The following NUP50 variants were observed in gnomAD, a reference collection of about 807,000 sequenced individuals.
NUP50 encodes nuclear pore complex protein Nup50.
In NUP50, 14 loss-of-function variants were observed where a neutral mutation model predicts 36.8. The observed-to-expected ratio is 0.38, with a 90% confidence interval of 0.25 to 0.59. The LOEUF (loss-of-function observed/expected upper bound fraction) is 0.59, where lower values mean the gene tolerates loss of function less well. Ranked by LOEUF, NUP50 falls within the 20% of genes least tolerant of loss-of-function variation. The probability of loss-of-function intolerance (pLI) is 0.63; values close to 1 mark genes in which losing one functional copy is unlikely to be tolerated. For missense variants in NUP50, 455 were observed against 564.6 expected (o/e 0.81, Z 1.97); for synonymous variants, 195 against 210.8 (o/e 0.93, Z 0.65).
At chr22:45,168,957 G>A (rs887168717) in intron 2 of NUP50, among the ~76,000 whole-genome samples, 16 of 145,846 alleles carry the variant, frequency 1.1e-4, no homozygotes, top group African/African-American at 2.8e-4. Context: ...GCTGGAGTGC[G>A]GTGGCACAAC....
chr22:45,184,325 C>T lies in NUP50; in HGVS notation c.1205-128C>T, dbSNP rs931956602. On this transcript the variant is annotated intron_variant, in intron 7 of 7. Coordinates refer to ENST00000347635, the MANE Select transcript of NUP50 (RefSeq NM_007172.4). ...TCAGGGAACCAGTCCTGATTTTGTG[C>T]TGTCCTGTTGGCTCCCTGTCTTAGA... 4.8e-6 allele frequency: 4 copies of T among 833,642 alleles called. No homozygotes were observed. In the African/African-American group the frequency reaches 5.2e-5, roughly 11 times the overall value. The allele number at this position is 833,642 out of a possible 1,614,324, so 51.6% of individuals were successfully genotyped here. A position where few individuals can be genotyped will look rare whatever the true frequency, so the allele number is the denominator to read the frequency against.
At position 45,178,691 on chromosome 22, in the gene NUP50, G is replaced by T; in HGVS notation, c.794G>T (p.Gly265Val). ...SEKKTDPSSLGATSASFNFGK... is the reference protein window; with the variant it reads ...SEKKTDPSSLVATSASFNFGK... ...AAGAAAACGGACCCATCATCACTAG[G>T]AGCGACAAGTGCCTCATTTAATTTC... Residue 265 changes from glycine to valine, a missense_variant, in exon 5 of 8, where the codon GGA (glycine) becomes GTA (valine). Coordinates refer to ENST00000347635, the MANE Select transcript of NUP50 (RefSeq NM_007172.4). 6.2e-7 allele frequency: 1 copy of T among 1,612,252 alleles called. No homozygotes were observed. Among genetic ancestry groups the T allele is most frequent in the Non-Finnish European group, 8.5e-7 (1 of 1,179,854 alleles).
chr22:45,166,282 T>C (rs1026540264), intron 1 of NUP50: 7 of 113,084 alleles, frequency 6.2e-5, no homozygotes, highest in African/African-American at 2.0e-4. Context: ...TTTTTCTTTT[T>C]CTTTTTTTTT....
chr22:45,178,323 C>A lies in NUP50; in HGVS notation c.426C>A (p.Ser142=). The A allele has an allele frequency of 6.2e-7, 1 of 1,614,030 alleles. No homozygotes were observed. The highest frequency in any genetic ancestry group is 1.1e-5 in the South Asian group (1 of 91,084). The stretch of plus-strand genomic sequence containing the variant: ...ATGGGGACAGTCAGCAGCCCTCCTC[C>A]TCTGGCCTTGCTTCCAGTAAAGCTT... ...KTNGDSQQPS[S]SGLASSKACV... is the part of the protein sequence containing the mutation. The change falls in exon 5 of 8, where the codon TCC becomes TCA. Residue 142 remains serine (S), a synonymous_variant. Coordinates refer to ENST00000347635, the MANE Select transcript of NUP50 (RefSeq NM_007172.4).
At chr22:45,166,916 C>A (rs2074103703) in intron 1 of NUP50, among the ~76,000 whole-genome samples, 1 of 151,994 alleles carries the variant, frequency 6.6e-6, no homozygotes, top group Non-Finnish European at 1.5e-5. Context: ...CATAAACTTA[C>A]AAAATTTAAA....
intron 7 of NUP50, chr22:45,183,928 G>A (rs777575977): frequency 1.9e-5 from 4 of 214,954 alleles, no homozygotes; most frequent in South Asian, 7.0e-5. Flanking sequence ...GGAAGACGGG[G>A]CAGGCCTGCG....
In NUP50 at chr22:45,187,942, A is replaced by C. The variant is rs1451182880; in HGVS notation, c.*3287A>C. The C allele has an allele frequency of 6.5e-6, 1 of 152,712 alleles. No homozygotes were observed. The highest frequency in any genetic ancestry group is 1.5e-5 in the Non-Finnish European group (1 of 68,052). 9.5% of individuals were successfully genotyped at this position (152,712 alleles called of 1,614,324 possible). On this transcript the variant is annotated 3_prime_UTR_variant, in exon 8 of 8. Transcript: ENST00000347635. ...AGACAATATAATCTCAGCTTGTATT[A>C]GTTTTTGAATGCTCCCATCGAGGAA... is the stretch of plus-strand genomic sequence containing the variant.
intron 5 of NUP50, among the ~76,000 whole-genome samples, 171 bp from the exon 6 acceptor site, chr22:45,181,115 G>T (rs1260998503): frequency 4.1e-5 from 6 of 144,802 alleles, no homozygotes; most frequent in Middle Eastern, 3.6e-3. Context: ...TTAAAATCCT[G>T]CAGGTACTCC....
chr22:45,180,107 T>C (rs2074343124), intron 5 of NUP50: 1 of 151,220 alleles, frequency 6.6e-6, no homozygotes, highest in Admixed American at 6.6e-5. Context: ...CTCCCATAAA[T>C]AAAACAAATG....
At chr22:45,168,948 CTGGAGTGCGGTGGCA>C (rs2074140568) in intron 2 of NUP50, among the ~76,000 whole-genome samples, 1 of 138,546 alleles carries the variant, frequency 7.2e-6, no homozygotes, top group Non-Finnish European at 1.5e-5. Flanking sequence ...GTTGCCCAGG[CTGGAGTGCGGTGGCA>C]CAACCTCGGC....
rs549363370 is a variant in NUP50, at chr22:45,171,487, T to C, written c.70-113T>C. ...GCAAGCCATTGTGCCTGGCCAAAAT[T>C]TATTTTTGAGAGGCCGGACACAGTG... On this transcript the variant is annotated intron_variant, in intron 2 of 7. Transcript: ENST00000347635. 13 of 1,059,560 alleles carry C rather than the reference T, an allele frequency of 1.2e-5. No individual in the cohort carries two copies. The South Asian group carries it at 1.4e-4, about 11-fold the overall frequency. 65.6% of individuals were successfully genotyped at this position (1,059,560 alleles called of 1,614,324 possible). A position where few individuals can be genotyped will look rare whatever the true frequency, so the allele number is the denominator to read the frequency against.
intron 5 of NUP50, among the ~76,000 whole-genome samples, chr22:45,179,557 C>T (rs1287442304): frequency 6.6e-5 from 10 of 152,124 alleles, no homozygotes; most frequent in Admixed American, 6.5e-4. Flanking sequence ...TGGTTGTGAA[C>T]AGGTGATGTC....
At chr22:45,181,721 GAGTC>G (rs756695201) in intron 6 of NUP50, among the ~76,000 whole-genome samples, 29 of 152,050 alleles carry the variant, frequency 1.9e-4, no homozygotes, top group African/African-American at 7.0e-4. Flanking sequence ...AGAAATCGCA[GAGTC>G]AGTCAGTGAT....
At chr22:45,165,678 TG>T (rs1186459876) in intron 1 of NUP50, among the ~76,000 whole-genome samples, 1 of 152,268 alleles carries the variant, frequency 6.6e-6, no homozygotes, top group Non-Finnish European at 1.5e-5. Context: ...AAATCTGGTT[TG>T]TAATCCAAGT....
intron 2 of NUP50, among the ~76,000 whole-genome samples, chr22:45,168,794 T>C (rs932812840): frequency 3.3e-5 from 5 of 152,148 alleles, no homozygotes; most frequent in Non-Finnish European, 1.5e-5. Context: ...CTAGTTCCTT[T>C]TCCAGCAGAA....
chr22:45,169,179 G>T (rs976715316), intron 2 of NUP50, among the ~76,000 whole-genome samples: 1 of 152,156 alleles, frequency 6.6e-6, no homozygotes, highest in African/African-American at 2.4e-5. Flanking sequence ...TGGGATTACA[G>T]GCGAGAACCA....
Position 45,171,690 on chromosome 22 carries a change from G to A in NUP50, c.153+7G>A. 6.2e-7 allele frequency: 1 copy of A among 1,611,608 alleles called. No individual in the cohort carries two copies. Among genetic ancestry groups the A allele is most frequent in the Non-Finnish European group, 8.5e-7 (1 of 1,177,704 alleles). On this transcript the variant is annotated splice_region_variant and intron_variant, in intron 3 of 7. Coordinates refer to ENST00000347635, the MANE Select transcript of NUP50 (RefSeq NM_007172.4). ...CAGAAATGTTGGATTTGAAGTGAGT[G>A]CCCCCTTACAGCTCTTGCTATTAAA...
At chr22:45,165,368 T>A (rs557647782) in intron 1 of NUP50, among the ~76,000 whole-genome samples, 23 of 152,362 alleles carry the variant, frequency 1.5e-4, no homozygotes, top group African/African-American at 5.0e-4. Flanking sequence ...TCCAAGTAGC[T>A]GGGACCACAG....
At chr22:45,183,622 C>A (rs1042811665) in intron 7 of NUP50, 102 bp downstream of exon 7, 4 of 771,364 alleles carry the variant, frequency 5.2e-6, no homozygotes, top group African/African-American at 1.7e-5. Context: ...AAACAGAGCG[C>A]ATTCAGGCCA....
Sources: gnomAD v4.1 joint callset for allele counts (sites outside exome capture counted in the v4.1 genomes callset) on GRCh38, gnomAD v4.1.1 for gene constraint, MANE v1.5 for transcripts, NCBI Gene and HGNC (gene_info 2026-07-23, HGNC 2026-07-21) for gene names.